ANTXR2: variants seen among roughly 807,000 people sequenced by gnomAD.
ANTXR2 encodes the protein anthrax toxin receptor 2.
A neutral mutation model predicts 73.7 loss-of-function variants in ANTXR2; 44 were observed. That is an observed-to-expected ratio of 0.60 (90% CI 0.47 to 0.77). The LOEUF is 0.77. Among genes scored for constraint, ANTXR2 ranks in the 30% least tolerant of loss-of-function variants. ANTXR2 has a pLI of 0.00. For missense variants in ANTXR2, 604 were observed against 592.5 expected (o/e 1.02, Z -0.20); for synonymous variants, 217 against 205.9 (o/e 1.05, Z -0.46).
At chr4:80,047,692 C>T (rs955855758) in intron 7 of ANTXR2, among the ~76,000 whole-genome samples, 1 of 151,710 alleles carries the variant, frequency 6.6e-6, no homozygotes, top group Non-Finnish European at 1.5e-5. Context: ...AATATACTTG[C>T]TGAGGACCAT....
intron 16 of ANTXR2, among the ~76,000 whole-genome samples, chr4:79,930,085 A>G (rs1030336851): frequency 1.3e-5 from 2 of 152,104 alleles, no homozygotes; most frequent in African/African-American, 4.8e-5. Flanking sequence ...AACCTCCAAC[A>G]CCCATAATCA....
At chr4:80,045,537 T>A (rs1733478279) in intron 7 of ANTXR2, among the ~76,000 whole-genome samples, 1 of 150,764 alleles carries the variant, frequency 6.6e-6, no homozygotes, top group South Asian at 2.1e-4. Flanking sequence ...CCACAGCATG[T>A]CAGAAAATAT....
At chr4:80,042,316 TACTA>T (rs1343468408) in intron 7 of ANTXR2, among the ~76,000 whole-genome samples, 3 of 152,096 alleles carry the variant, frequency 2.0e-5, no homozygotes, top group Admixed American at 6.6e-5. Flanking sequence ...ACATTTTCTT[TACTA>T]ACTATGTGAA....
intron 3 of ANTXR2, among the ~76,000 whole-genome samples, chr4:80,058,371 T>C (rs1298670123): frequency 1.3e-5 from 2 of 152,068 alleles, no homozygotes; most frequent in Non-Finnish European, 2.9e-5. Flanking sequence ...TCATTACTTT[T>C]GCAGCTGCAT....
At chr4:79,907,944 G>A (rs992633604) in intron 16 of ANTXR2, among the ~76,000 whole-genome samples, 12 of 152,190 alleles carry the variant, frequency 7.9e-5, no homozygotes, top group East Asian at 5.8e-4. Flanking sequence ...TTTTATGAAG[G>A]ATTTTTGCAA....
At chr4:80,052,407 T>C (rs1733811883) in intron 7 of ANTXR2, among the ~76,000 whole-genome samples, 1 of 151,664 alleles carries the variant, frequency 6.6e-6, no homozygotes, top group African/African-American at 2.4e-5. Context: ...TACATTGCCT[T>C]TAATTTCTAC....
chr4:79,993,191 G>A (rs1460694738), intron 12 of ANTXR2, among the ~76,000 whole-genome samples: 1 of 151,626 alleles, frequency 6.6e-6, no homozygotes, highest in Non-Finnish European at 1.5e-5. Flanking sequence ...TTTCAAGGAA[G>A]TAAGGAAAAA....
At chr4:79,993,541 A>G (rs1473553169) in intron 12 of ANTXR2, among the ~76,000 whole-genome samples, 1 of 151,950 alleles carries the variant, frequency 6.6e-6, no homozygotes, top group Non-Finnish European at 1.5e-5. Context: ...CAAAACTTCA[A>G]TACTCTGAAA....
At position 80,027,440 on chromosome 4, in the gene ANTXR2, T is replaced by A. The variant is rs141543457; in HGVS notation, c.866+4183A>T. Among the ~76,000 whole-genome samples, 4 of 152,314 alleles carry A rather than the reference T, an allele frequency of 2.6e-5. No individual in the cohort carries two copies. The East Asian group carries it at 7.7e-4, about 29-fold the overall frequency. On this transcript the variant is annotated intron_variant, in intron 10 of 16. Transcript: ENST00000403729. Reference sequence around the variant, plus strand: ...AATTCTGCCACACTGTTCATCTCAATGATCCTTCAGTTTTCCTTGAAATTT... The same window carrying A: ...AATTCTGCCACACTGTTCATCTCAAAGATCCTTCAGTTTTCCTTGAAATTT...
chr4:79,930,694 T>C (rs1199450429), intron 16 of ANTXR2, among the ~76,000 whole-genome samples: 1 of 152,160 alleles, frequency 6.6e-6, no homozygotes, highest in East Asian at 1.9e-4. Flanking sequence ...CCCACTAACG[T>C]GTAGTACCCA....
chr4:79,943,893 T>G, intron 16 of ANTXR2, among the ~76,000 whole-genome samples: 1 of 151,510 alleles, frequency 6.6e-6, no homozygotes, highest in South Asian at 2.1e-4. Flanking sequence ...AACTGGATAT[T>G]TCAACACTTT....
At chr4:80,057,246 A>G (rs1734042612) in intron 3 of ANTXR2, among the ~76,000 whole-genome samples, 1 of 151,982 alleles carries the variant, frequency 6.6e-6, no homozygotes, top group Admixed American at 6.6e-5. Context: ...CTTAACATCA[A>G]GGAACTTACT....
rs543293153 is a variant in ANTXR2 at position 79,903,869 on chromosome 4, C to A, written c.*3560G>T. On this transcript the variant is annotated 3_prime_UTR_variant, in exon 17 of 17. Transcript: ENST00000403729. ...TATTTCTTTCCTGTGTACATATACC[C>A]ACCAAACTTTTCCAGTAGTAATGAA... The A allele has an allele frequency of 5.3e-5, 8 of 152,178 alleles. No homozygotes were observed. Among genetic ancestry groups the A allele is most frequent in the African/African-American group, 1.4e-4 (6 of 41,542 alleles). 9.4% of individuals were successfully genotyped at this position (152,178 alleles called of 1,614,324 possible).
chr4:79,945,090 A>T (rs1348537838), intron 16 of ANTXR2, among the ~76,000 whole-genome samples: 3 of 152,136 alleles, frequency 2.0e-5, no homozygotes, highest in African/African-American at 7.2e-5. Context: ...TATTTAACTA[A>T]TGAGTATGAT....
At position 79,904,370 on chromosome 4, in the gene ANTXR2, T is replaced by C. The variant is rs146937077; in HGVS notation, c.*3059A>G. On this transcript the variant is annotated 3_prime_UTR_variant, in exon 17 of 17. Transcript: ENST00000403729. The stretch of plus-strand genomic sequence containing the variant: ...TTTTTGTCAAAATAGTAATTAACCA[T>C]AGATGACAGATGCTGCTCCCTAGTC... 6 of 152,248 alleles carry C rather than the reference T, an allele frequency of 3.9e-5. No homozygotes were observed. Among genetic ancestry groups the C allele is most frequent in the Non-Finnish European group, 5.9e-5 (4 of 67,990 alleles). The allele number at this position is 152,248 out of a possible 1,614,324, so 9.4% of individuals were successfully genotyped here.
chr4:79,985,393 T>C (rs1437352419), intron 12 of ANTXR2, among the ~76,000 whole-genome samples: 1 of 150,756 alleles, frequency 6.6e-6, no homozygotes, highest in Non-Finnish European at 1.5e-5. Flanking sequence ...AAGAAAAAGG[T>C]AGAAGTGGTA....
In ANTXR2 at chr4:79,977,561, T is replaced by G. The variant is rs991588108; in HGVS notation, c.1428+60A>C. On this transcript the variant is annotated intron_variant, in intron 16 of 16. Coordinates refer to ENST00000403729, the MANE Select transcript of ANTXR2 (RefSeq NM_058172.6). ...AAATCATTTTTTATTACTATTTCCCTGCCTCCATTATACTGACTCAAGCAG... is the reference window on the plus strand; with the variant it reads ...AAATCATTTTTTATTACTATTTCCCGGCCTCCATTATACTGACTCAAGCAG... The G allele has an allele frequency of 2.6e-6, 4 of 1,533,922 alleles. No homozygotes were observed. The African/African-American group carries it at 4.2e-5, about 16-fold the overall frequency.
In ANTXR2 at chr4:80,011,015, T is replaced by C. The variant is rs961741008; in HGVS notation, c.946-2399A>G. ...ACAAAAAATCAGCCAGGCATGGTGG[T>C]GGGCGCCTGTAGTCCCAGCTACTCG... On this transcript the variant is annotated intron_variant, in intron 11 of 16. Transcript: ENST00000403729. Among the ~76,000 whole-genome samples the C allele has an allele frequency of 4.0e-5, 6 of 151,762 alleles. No individual in the cohort carries two copies. The South Asian group carries it at 6.3e-4, about 16-fold the overall frequency.
At chr4:79,916,222 T>C (rs1428610037) in intron 16 of ANTXR2, among the ~76,000 whole-genome samples, 1 of 152,088 alleles carries the variant, frequency 6.6e-6, no homozygotes, top group Non-Finnish European at 1.5e-5. Flanking sequence ...ATGGTACACC[T>C]AAACCACACC....
Sources: gnomAD v4.1 joint callset for allele counts (sites outside exome capture counted in the v4.1 genomes callset) on GRCh38, gnomAD v4.1.1 for gene constraint, MANE v1.5 for transcripts, NCBI Gene and HGNC (gene_info 2026-07-23, HGNC 2026-07-21) for gene names.